SCG5: variants seen among roughly 807,000 people sequenced by gnomAD.
SCG5 encodes secretogranin V.
In SCG5, 18 loss-of-function variants were observed where a neutral mutation model predicts 25.7. The ratio of observed to expected loss-of-function variants is 0.70; its 90% CI spans 0.48 to 1.04. The LOEUF (loss-of-function observed/expected upper bound fraction) is 1.04. SCG5 is among the 50% of genes least tolerant of loss of function. The pLI is 0.00. For synonymous variants in SCG5, 101 were observed against 91.7 expected (o/e 1.10, Z -0.58); for missense variants, 206 against 259.8 (o/e 0.79, Z 1.42).
chr15:32,646,732 G>A (rs1489558335), intron 2 of SCG5, among the ~76,000 whole-genome samples: 4 of 152,168 alleles, frequency 2.6e-5, no homozygotes, highest in Non-Finnish European at 5.9e-5. Flanking sequence ...CTGGGACCTT[G>A]GCATTGAATT....
At chr15:32,654,746 C>CT (rs1318255360) in intron 2 of SCG5, among the ~76,000 whole-genome samples, 1 of 152,156 alleles carries the variant, frequency 6.6e-6, no homozygotes, top group Non-Finnish European at 1.5e-5. Flanking sequence ...ATCTGCCTCG[C>CT]TTTTTGTGTC....
chr15:32,660,932 T>C (rs901770401), intron 2 of SCG5, among the ~76,000 whole-genome samples: 3 of 152,226 alleles, frequency 2.0e-5, no homozygotes, highest in African/African-American at 7.2e-5. Context: ...ATAATTGAGA[T>C]ATAATTTAAA....
chr15:32,676,061 C>T (rs895957223), intron 2 of SCG5, among the ~76,000 whole-genome samples: 1 of 152,122 alleles, frequency 6.6e-6, no homozygotes, highest in African/African-American at 2.4e-5. Context: ...CTGCATTTGG[C>T]CCTTTGCAAC....
chr15:32,691,657 C>A, intron 4 of SCG5, 53 bp from the exon 5 acceptor site: 1 of 1,422,052 alleles, frequency 7.0e-7, no homozygotes, highest in Non-Finnish European at 9.7e-7. Flanking sequence ...TAGACATTCA[C>A]CAAATTTGAT....
At chr15:32,695,768 A>G (rs2054947181) in intron 5 of SCG5, among the ~76,000 whole-genome samples, 2 of 152,154 alleles carry the variant, frequency 1.3e-5, no homozygotes, top group South Asian at 4.1e-4. Context: ...TTTTTCTTGC[A>G]AAATATAATT....
chr15:32,679,621 C>A, intron 2 of SCG5, 145 bp from the exon 3 acceptor site: 2 of 838,402 alleles, frequency 2.4e-6, no homozygotes, highest in Middle Eastern at 3.0e-4. Flanking sequence ...AATTTCTAAA[C>A]CCCTAGAGGG....
chr15:32,654,650 T>C (rs535640254), intron 2 of SCG5, among the ~76,000 whole-genome samples: 2 of 152,206 alleles, frequency 1.3e-5, no homozygotes, highest in Non-Finnish European at 2.9e-5. Context: ...TGTATTTGCT[T>C]CTTTAGCCTC....
At chr15:32,676,045 A>G (rs1197428054) in intron 2 of SCG5, among the ~76,000 whole-genome samples, 1 of 152,238 alleles carries the variant, frequency 6.6e-6, no homozygotes, top group Non-Finnish European at 1.5e-5. Flanking sequence ...ATAATGAACC[A>G]GATAACTGCA....
intron 4 of SCG5, among the ~76,000 whole-genome samples, chr15:32,687,555 A>C (rs891554559): frequency 1.1e-4 from 16 of 152,186 alleles, no homozygotes; most frequent in Non-Finnish European, 2.4e-4. Context: ...GGGAACCACA[A>C]ACCTTCCTCA....
chr15:32,662,443 A>G (rs939011728), intron 2 of SCG5, among the ~76,000 whole-genome samples: 13 of 150,436 alleles, frequency 8.6e-5, no homozygotes, highest in African/African-American at 2.7e-4. Context: ...TGTTTATTTG[A>G]TGACCAATGA....
At chr15:32,673,878 C>T (rs62001855) in intron 2 of SCG5, among the ~76,000 whole-genome samples, 16,432 of 151,866 alleles carry the variant, frequency 0.11, 1,024 homozygotes, top group Middle Eastern at 0.16. Context: ...GGATTACAGG[C>T]GCCTGCCTGT....
intron 2 of SCG5, among the ~76,000 whole-genome samples, chr15:32,663,063 ATATATATAT>A (rs1595799485): frequency 1.0e-4 from 5 of 50,038 alleles, no homozygotes; most frequent in South Asian, 6.7e-4. Context: ...ATATATATAT[ATATATATAT>A]ATATATAATA....
chr15:32,642,057 C>T (rs2053872071), intron 1 of SCG5, among the ~76,000 whole-genome samples: 1 of 152,066 alleles, frequency 6.6e-6, no homozygotes, highest in Non-Finnish European at 1.5e-5. Context: ...GTGTCTGCCT[C>T]CAGCCTTTTC....
chr15:32,681,589 A>G (rs750602214), intron 3 of SCG5, among the ~76,000 whole-genome samples: 1 of 151,554 alleles, frequency 6.6e-6, no homozygotes, highest in Non-Finnish European at 1.5e-5. Flanking sequence ...AGCTGGGACA[A>G]CAGGTGTGTG....
chr15:32,663,055 AT>A lies in SCG5; in HGVS notation c.227-16710del, dbSNP rs1336937204. 1.1e-3 allele frequency among the ~76,000 whole-genome samples: 66 copies of A among 57,846 alleles called. 3 individuals carry two copies. Among genetic ancestry groups the A allele is most frequent in the South Asian group, 5.6e-3 (13 of 2,324 alleles). 37.9% of individuals were successfully genotyped at this position (57,846 alleles called of 152,430 possible). On this transcript the variant is annotated intron_variant, in intron 2 of 5. Coordinates refer to ENST00000300175, the MANE Select transcript of SCG5 (RefSeq NM_001144757.3). ...AGAATATATATATATATATATATAT[AT>A]ATATATATATATATATATATATAAT...
intron 2 of SCG5, among the ~76,000 whole-genome samples, chr15:32,648,715 G>A (rs1417532261): frequency 6.6e-6 from 1 of 151,524 alleles, no homozygotes; most frequent in East Asian, 1.9e-4. Flanking sequence ...ACTCAGAGAG[G>A]GCTGCCTGAC....
In SCG5 at chr15:32,691,757, G is replaced by A; in HGVS notation, c.537G>A (p.Lys179=). ...AGATGAAGGGAGGAGAGAGACGAAAGCGGAGGGTAACACGTGCCTGGCTGG... is the reference window on the plus strand; with the variant it reads ...AGATGAAGGGAGGAGAGAGACGAAAACGGAGGGTAACACGTGCCTGGCTGG... ...YEKMKGGERR[K]RRSVNPYLQG... The change falls in exon 5 of 6, where the codon AAG becomes AAA. Residue 179 remains lysine (K), a synonymous_variant. Transcript: ENST00000300175. 6.2e-7 allele frequency: 1 copy of A among 1,612,660 alleles called. No homozygotes were observed.
At chr15:32,675,299 C>T (rs927546604) in intron 2 of SCG5, among the ~76,000 whole-genome samples, 1 of 152,144 alleles carries the variant, frequency 6.6e-6, no homozygotes, top group African/African-American at 2.4e-5. Context: ...GATTTTGAAA[C>T]CTCACAAGCT....
intron 5 of SCG5, among the ~76,000 whole-genome samples, chr15:32,692,763 G>C (rs1357173821): frequency 6.6e-6 from 1 of 152,110 alleles, no homozygotes; most frequent in East Asian, 1.9e-4. Flanking sequence ...CCATTCTGAA[G>C]GGTTTTGCCA....
Sources: gnomAD v4.1 joint callset for allele counts (sites outside exome capture counted in the v4.1 genomes callset) on GRCh38, gnomAD v4.1.1 for gene constraint, MANE v1.5 for transcripts, NCBI Gene and HGNC (gene_info 2026-07-23, HGNC 2026-07-21) for gene names.